The following PCDHGA8 variants were observed in gnomAD, a reference collection of about 807,000 sequenced individuals.
PCDHGA8 encodes protocadherin gamma-A8.
In PCDHGA8, 45 loss-of-function variants were observed where a neutral mutation model predicts 59.2. The observed-to-expected ratio is 0.76, with a 90% CI of 0.60 to 0.98. PCDHGA8 has a LOEUF of 0.98. PCDHGA8 is among the 50% of genes least tolerant of loss of function. The pLI, the probability that PCDHGA8 is intolerant of heterozygous loss-of-function variation, is 0.00. For missense variants in PCDHGA8, 1,257 were observed against 1,196.2 expected (o/e 1.05, Z -0.75); for synonymous variants, 531 against 519.0 (o/e 1.02, Z -0.32).
At chr5:141,429,297 T>C (rs985228754) in intron 1 of PCDHGA8, 7 of 152,208 alleles carry the variant, frequency 4.6e-5, no homozygotes, top group Admixed American at 3.3e-4. Flanking sequence ...GGGACATCAA[T>C]ATTTGAGTAT....
At chr5:141,421,034 C>G (rs2096540283) in intron 1 of PCDHGA8, 2 of 538,266 alleles carry the variant, frequency 3.7e-6, no homozygotes, top group Non-Finnish European at 6.4e-6. Context: ...CATTGAGTCC[C>G]TCCCTCCCCC....
chr5:141,505,246 G>C, intron 2 of PCDHGA8, 147 bp from the exon 3 acceptor site: 2 of 1,436,674 alleles, frequency 1.4e-6, no homozygotes, highest in Non-Finnish European at 1.9e-6. Flanking sequence ...AAGGATTGTA[G>C]AAGTGCCTCC....
intron 2 of PCDHGA8, 142 bp downstream of exon 2, chr5:141,495,007 G>C (rs2099758216): frequency 2.0e-6 from 3 of 1,522,276 alleles, no homozygotes; most frequent in Non-Finnish European, 8.8e-7. Flanking sequence ...TTGGTGTGCG[G>C]GGGGCTGGCA....
chr5:141,497,211 G>C (rs914346878), intron 2 of PCDHGA8, among the ~76,000 whole-genome samples: 19 of 28,538 alleles, frequency 6.7e-4, no homozygotes, highest in African/African-American at 2.3e-3. Flanking sequence ...GAGTGTAATG[G>C]GGGGGGGAAG....
intron 2 of PCDHGA8, among the ~76,000 whole-genome samples, chr5:141,496,347 T>C (rs1168306693): frequency 6.6e-6 from 1 of 152,198 alleles, no homozygotes; most frequent in Non-Finnish European, 1.5e-5. Context: ...TGGAGGAGTC[T>C]CAGAGCCCAG....
chr5:141,402,430 C>T (rs1026560659), intron 1 of PCDHGA8, among the ~76,000 whole-genome samples: 2 of 151,802 alleles, frequency 1.3e-5, no homozygotes, highest in African/African-American at 4.8e-5. Flanking sequence ...ATTGAAGCAT[C>T]ATAAAAAGGA....
At chr5:141,478,011 G>T (rs1216659966) in intron 1 of PCDHGA8, 1 of 1,614,088 alleles carries the variant, frequency 6.2e-7, no homozygotes, top group Non-Finnish European at 8.5e-7. Flanking sequence ...AGTACTGCCC[G>T]TCCAGTCCAA....
At chr5:141,427,695 C>T in intron 1 of PCDHGA8, 1 of 918,214 alleles carries the variant, frequency 1.1e-6, no homozygotes, top group Non-Finnish European at 1.7e-6. Context: ...CTCCATCCCA[C>T]AAGTCAGCGC....
At chr5:141,480,046 A>G (rs919527311) in intron 1 of PCDHGA8, among the ~76,000 whole-genome samples, 1 of 152,206 alleles carries the variant, frequency 6.6e-6, no homozygotes, top group Non-Finnish European at 1.5e-5. Context: ...ATATGCAAAA[A>G]GGGAATAATA....
intron 1 of PCDHGA8, among the ~76,000 whole-genome samples, chr5:141,434,495 G>A (rs1414485396): frequency 6.6e-6 from 1 of 152,220 alleles, no homozygotes; most frequent in Non-Finnish European, 1.5e-5. Flanking sequence ...GGCCCGCCCA[G>A]GGCAGAAAAC....
rs1248410660 is a variant in PCDHGA8, at chr5:141,394,098, A to G, written c.1285A>G (p.Thr429Ala). Residue 429 changes from threonine to alanine, a missense_variant, in exon 1 of 4, where the codon ACA becomes GCA. Thr to Ala is a moderately conservative substitution (Grantham distance 58). Transcript: ENST00000398604. ...NITVMASDLG[T>A]PPLSTETQIA... The stretch of plus-strand genomic sequence containing the variant: ...CACAGTGATGGCCTCAGATCTAGGA[A>G]CACCACCTCTGTCCACTGAAACTCA... 2.5e-6 allele frequency: 4 copies of G among 1,613,854 alleles called. No individual in the cohort carries two copies. In the East Asian group the frequency reaches 8.9e-5, roughly 36 times the overall value.
intron 1 of PCDHGA8, among the ~76,000 whole-genome samples, chr5:141,473,383 C>A (rs976400317): frequency 3.3e-5 from 5 of 152,200 alleles, no homozygotes; most frequent in African/African-American, 9.6e-5. Context: ...GGTCCCTGCC[C>A]TCCTGGAGCT....
intron 1 of PCDHGA8, chr5:141,413,943 T>A: frequency 1.2e-6 from 2 of 1,613,420 alleles, no homozygotes; most frequent in Non-Finnish European, 1.7e-6. Context: ...TGAGTGTTCC[T>A]GAGAATTTGC....
chr5:141,421,487 C>G (rs1447180364), intron 1 of PCDHGA8: 2 of 1,614,094 alleles, frequency 1.2e-6, no homozygotes, highest in Non-Finnish European at 1.7e-6. Context: ...AGCTTGATCA[C>G]GGCAGGCAGG....
rs1330469043 is a variant in PCDHGA8 at position 141,491,537 on chromosome 5, C to A, written c.2425-3270C>A. On this transcript the variant is annotated intron_variant, in intron 1 of 3. Transcript: ENST00000398604. This position sits in a 1 kb window ranked among gnomAD's most constrained non-coding sequence, Gnocchi z 6.9. ...AAGTACATGGAGGTGACGCTGCGGCCCACAGACTCGCAGAGCCACTGCTAC... is the reference window on the plus strand; with the variant it reads ...AAGTACATGGAGGTGACGCTGCGGCACACAGACTCGCAGAGCCACTGCTAC... The A allele has an allele frequency of 6.2e-7, 1 of 1,613,908 alleles. No homozygotes were observed. Among genetic ancestry groups the A allele is most frequent in the African/African-American group, 1.3e-5 (1 of 74,920 alleles).
intron 1 of PCDHGA8, among the ~76,000 whole-genome samples, chr5:141,443,191 A>G (rs2098371862): frequency 6.6e-6 from 1 of 152,122 alleles, no homozygotes; most frequent in Non-Finnish European, 1.5e-5. Flanking sequence ...CATTCTCTAT[A>G]GTACAAAGAG....
intron 1 of PCDHGA8, among the ~76,000 whole-genome samples, chr5:141,406,812 T>G (rs528041804): frequency 6.6e-6 from 1 of 152,350 alleles, no homozygotes; most frequent in East Asian, 1.9e-4. Context: ...CTCCAACTTT[T>G]GAGTCTAGAA....
At chr5:141,439,668 A>C (rs944454917) in intron 1 of PCDHGA8, among the ~76,000 whole-genome samples, 1 of 152,230 alleles carries the variant, frequency 6.6e-6, no homozygotes, top group Non-Finnish European at 1.5e-5. Context: ...CATGGAATGC[A>C]AATCCAAGAG....
At chr5:141,414,738 C>T in intron 1 of PCDHGA8, 1 of 1,614,238 alleles carries the variant, frequency 6.2e-7, no homozygotes, top group Non-Finnish European at 8.5e-7. Context: ...TGTATGCACT[C>T]AGATCCTTCG....
Sources: allele counts gnomAD v4.1 joint callset (sites outside exome capture counted in the v4.1 genomes callset), GRCh38; gene constraint gnomAD v4.1.1; non-coding constraint Gnocchi (gnomAD v3.1); transcripts MANE v1.5; gene names NCBI Gene and HGNC (gene_info 2026-07-23, HGNC 2026-07-21).